Variants in CCR6 observed in about 807,000 individuals in gnomAD.
CCR6 encodes the protein C-C chemokine receptor type 6.
In CCR6, 2 loss-of-function variants were observed where a neutral mutation model predicts 3.0. The ratio of observed to expected loss-of-function variants is 0.66; its 90% CI spans 0.27 to 2.07. The LOEUF (loss-of-function observed/expected upper bound fraction) is 2.07, where lower values mean the gene tolerates loss of function less well. Ranked by LOEUF, CCR6 falls within the 30% of genes most tolerant of loss-of-function variation. The probability of loss-of-function intolerance (pLI) is 0.14; values close to 1 mark genes in which losing one functional copy is unlikely to be tolerated. For synonymous variants in CCR6, 193 were observed against 184.3 expected (o/e 1.05, Z -0.38); for missense variants, 322 against 462.8 (o/e 0.70, Z 2.79).
chr6:167,118,943 T>C (rs1457034140), upstream of CCR6, among the ~76,000 whole-genome samples: 1 of 151,998 alleles, frequency 6.6e-6, no homozygotes, highest in Non-Finnish European at 1.5e-5. Context: ...AGGAGGAGGG[T>C]GCACCTGCCC....
chr6:167,120,911 G>A (rs1036871851), upstream of CCR6: 4 of 152,186 alleles, frequency 2.6e-5, no homozygotes, highest in African/African-American at 9.7e-5. Context: ...GCTTTCTCAG[G>A]GTGACATATA....
In CCR6 at chr6:167,138,847, T is replaced by G. The variant is rs1257432451; in HGVS notation, c.*1492T>G. On this transcript the variant is annotated 3_prime_UTR_variant, in exon 3 of 3. Coordinates refer to ENST00000341935, the MANE Select transcript of CCR6 (RefSeq NM_031409.4). ...GGGAGGCTGAGGCAAGAGAATCGCT[T>G]GAACCCAGGAGGCAGAGGTTGCAGT... 1 of 143,482 alleles carries G rather than the reference T, an allele frequency of 7.0e-6. No individual in the cohort carries two copies. The highest frequency in any genetic ancestry group is 1.5e-5 in the Non-Finnish European group (1 of 67,142). The allele number at this position is 143,482 out of a possible 1,614,324, so 8.9% of individuals were successfully genotyped here. A position where few individuals can be genotyped will look rare whatever the true frequency, so the allele number is the denominator to read the frequency against.
intron 1 of CCR6, among the ~76,000 whole-genome samples, chr6:167,124,260 G>A (rs1266419033): frequency 2.3e-5 from 2 of 86,756 alleles, no homozygotes; most frequent in Admixed American, 2.6e-4. Flanking sequence ...GAAATTAAAG[G>A]AACTGAAAAA....
At chr6:167,118,506 A>G (rs1385782519), upstream of CCR6, among the ~76,000 whole-genome samples, 1 of 152,226 alleles carries the variant, frequency 6.6e-6, no homozygotes, top group African/African-American at 2.4e-5. Context: ...TCTACGTAGA[A>G]ATAAATTAGT....
rs372861554 is a variant in CCR6, at chr6:167,136,763, T to C, written c.533T>C (p.Ile178Thr). ...CLVVWGLSVI[I>T]SSSTFVFNQK... ...GTTGTGTGGGGGCTGTCAGTCATCATCTCCAGCTCAACTTTTGTCTTCAAC... is the reference window on the plus strand; with the variant it reads ...GTTGTGTGGGGGCTGTCAGTCATCACCTCCAGCTCAACTTTTGTCTTCAAC... Residue 178 changes from isoleucine to threonine, a missense_variant, in exon 3 of 3, where the codon ATC becomes ACC. By Grantham distance (89) the Ile-to-Thr change is moderately conservative. Coordinates refer to ENST00000341935, the MANE Select transcript of CCR6 (RefSeq NM_031409.4). The surrounding 1 kb of genome is among the most constrained non-coding windows in gnomAD (Gnocchi z 4.6). The C allele has an allele frequency of 3.9e-5, 63 of 1,613,718 alleles. No homozygotes were observed. Among genetic ancestry groups the C allele is most frequent in the Non-Finnish European group, 4.7e-5 (55 of 1,180,030 alleles).
chr6:167,138,146 A>G lies in CCR6; in HGVS notation c.*791A>G, dbSNP rs1297676901. 2 of 152,344 alleles carry G rather than the reference A, an allele frequency of 1.3e-5. 1 individual carries two copies. Among genetic ancestry groups the G allele is most frequent in the Middle Eastern group, 6.3e-3 (2 of 316 alleles). The allele number at this position is 152,344 out of a possible 1,614,324, so 9.4% of individuals were successfully genotyped here. A position where few individuals can be genotyped will look rare whatever the true frequency, so the allele number is the denominator to read the frequency against. ...AAGCTGAGAGTGCTATGAAGACAGG[A>G]TCTAGAATAATCTTGCTCACAGCTG... On this transcript the variant is annotated 3_prime_UTR_variant, in exon 3 of 3. Coordinates refer to ENST00000341935, the MANE Select transcript of CCR6 (RefSeq NM_031409.4).
At chr6:167,135,427 C>A (rs936717934) in intron 1 of CCR6, among the ~76,000 whole-genome samples, 3 of 152,208 alleles carry the variant, frequency 2.0e-5, no homozygotes, top group Non-Finnish European at 4.4e-5. Context: ...TCCTCTCCAG[C>A]GCCTTCCCAG....
At chr6:167,112,095 T>C (rs970143429) in intron 1 of CCR6, 1 of 152,206 alleles carries the variant, frequency 6.6e-6, no homozygotes, top group African/African-American at 2.4e-5. Context: ...TTGGAGGTAA[T>C]AGAGTATTAC....
intron 1 of CCR6, among the ~76,000 whole-genome samples, chr6:167,112,204 T>C (rs562315948): frequency 6.6e-6 from 1 of 152,242 alleles, no homozygotes; most frequent in South Asian, 2.1e-4. Context: ...CTTTGTTGAG[T>C]CTATTATGTG....
At position 167,136,055 on chromosome 6, in the gene CCR6, T is replaced by C. The variant is rs1781844799; in HGVS notation, c.-80T>C. On this transcript the variant is annotated 5_prime_UTR_variant, in exon 2 of 3. Transcript: ENST00000341935. This position sits in a 1 kb window ranked among gnomAD's most constrained non-coding sequence, Gnocchi z 4.6. ...CTTCTTAGAGTCACCTCTACTTTCC[T>C]GCTACCGCTGCCTGTGAGCTGAAGG... The C allele has an allele frequency of 3.3e-6, 5 of 1,520,148 alleles. No individual in the cohort carries two copies. The allele number at this position is 1,520,148 out of a possible 1,614,324, so 94.2% of individuals were successfully genotyped here.
chr6:167,138,806 G>T lies in CCR6; in HGVS notation c.*1451G>T, dbSNP rs1178588621. Reference sequence around the variant, plus strand: ...TTGCCAGGCGTGGTGGCGGGTGCCTGTAATCCCAGCTACTTGGGAGGCTGA... The same window carrying T: ...TTGCCAGGCGTGGTGGCGGGTGCCTTTAATCCCAGCTACTTGGGAGGCTGA... On this transcript the variant is annotated 3_prime_UTR_variant, in exon 3 of 3. Transcript: ENST00000341935. The T allele has an allele frequency of 6.6e-6, 1 of 151,554 alleles. No individual in the cohort carries two copies. The highest frequency in any genetic ancestry group is 1.9e-4 in the East Asian group (1 of 5,168). 9.4% of individuals were successfully genotyped at this position (151,554 alleles called of 1,614,324 possible).
At position 167,136,101 on chromosome 6, in the gene CCR6, T is replaced by C; in HGVS notation, c.-34T>C. 2 of 1,612,726 alleles carry C rather than the reference T, an allele frequency of 1.2e-6. No individual in the cohort carries two copies. Among genetic ancestry groups the C allele is most frequent in the Non-Finnish European group, 1.7e-6 (2 of 1,179,542 alleles). Reference sequence around the variant, plus strand: ...GAAGGGGCTGAACCATACACTCCTTTTTCTACAACCAGCTTGCATTTTTTC... The same window carrying C: ...GAAGGGGCTGAACCATACACTCCTTCTTCTACAACCAGCTTGCATTTTTTC... On this transcript the variant is annotated 5_prime_UTR_variant, in exon 2 of 3. Coordinates refer to ENST00000341935, the MANE Select transcript of CCR6 (RefSeq NM_031409.4). This position sits in a 1 kb window ranked among gnomAD's most constrained non-coding sequence, Gnocchi z 4.6.
chr6:167,113,495 A>G (rs1781445548), intron 1 of CCR6, among the ~76,000 whole-genome samples: 1 of 152,226 alleles, frequency 6.6e-6, no homozygotes, highest in Non-Finnish European at 1.5e-5. Context: ...GGAAGCAGAT[A>G]CTGTAGTTCC....
rs1236105990 is a variant in CCR6 at position 167,137,394 on chromosome 6, C to T, written c.*39C>T. 6.5e-7 allele frequency: 1 copy of T among 1,547,466 alleles called. No individual in the cohort carries two copies. The highest frequency in any genetic ancestry group is 1.2e-5 in the South Asian group (1 of 80,420). ...CTCCCTAAGGCATGTGTGAAACATA[C>T]TCATAGATGTTATGCAAAAAAAAGT... On this transcript the variant is annotated 3_prime_UTR_variant, in exon 3 of 3. Coordinates refer to ENST00000341935, the MANE Select transcript of CCR6 (RefSeq NM_031409.4). The surrounding 1 kb of genome is among the most constrained non-coding windows in gnomAD (Gnocchi z 4.6).
upstream of CCR6, among the ~76,000 whole-genome samples, chr6:167,118,977 G>A (rs544083262): frequency 1.6e-4 from 24 of 152,212 alleles, no homozygotes; most frequent in East Asian, 7.7e-4. Context: ...TCTCCCTACC[G>A]TAAACTCGCT....
At chr6:167,135,458 G>A (rs1433341315) in intron 1 of CCR6, among the ~76,000 whole-genome samples, 1 of 152,208 alleles carries the variant, frequency 6.6e-6, no homozygotes, top group Non-Finnish European at 1.5e-5. Context: ...CTTGTTCAGT[G>A]TGTCTTGAGA....
upstream of CCR6, among the ~76,000 whole-genome samples, chr6:167,119,662 C>G (rs1462880433): frequency 6.6e-6 from 1 of 152,210 alleles, no homozygotes. Flanking sequence ...TCGTAAACTC[C>G]AAAATTCAAG....
At chr6:167,125,402 C>A (rs1421856927) in intron 1 of CCR6, among the ~76,000 whole-genome samples, 2 of 152,248 alleles carry the variant, frequency 1.3e-5, no homozygotes, top group African/African-American at 4.8e-5. Context: ...CCCCCCAACC[C>A]CTGCTCTTCT....
Position 167,130,919 on chromosome 6 carries a change from T to C in CCR6, c.-97-5119T>C, listed in dbSNP as rs1238823126. On this transcript the variant is annotated intron_variant, in intron 1 of 2. Transcript: ENST00000341935. ...ATCTGGTTCCCTCTGGGCCTCCTTC[T>C]CTCAGGGACCCCACCCTCTGGGCCC... Among the ~76,000 whole-genome samples the C allele has an allele frequency of 4.9e-4, 55 of 111,344 alleles. 2 individuals are homozygous for C. Among genetic ancestry groups the C allele is most frequent in the African/African-American group, 8.3e-4 (17 of 20,508 alleles). The allele number at this position is 111,344 out of a possible 152,430, so 73.0% of individuals were successfully genotyped here.
Sources: gnomAD v4.1 joint callset for allele counts (sites outside exome capture counted in the v4.1 genomes callset) on GRCh38, gnomAD v4.1.1 for gene constraint, Gnocchi (gnomAD v3.1) non-coding constraint, MANE v1.5 for transcripts, NCBI Gene and HGNC (gene_info 2026-07-23, HGNC 2026-07-21) for gene names.